The following RNF38 variants were observed in gnomAD, a reference collection of about 807,000 sequenced individuals.
The protein encoded by RNF38 is E3 ubiquitin-protein ligase RNF38.
RNF38 carries 15 observed loss-of-function variants against 67.2 expected under a neutral mutation model. The ratio of observed to expected loss-of-function variants is 0.22; its 90% CI spans 0.15 to 0.34. The LOEUF (loss-of-function observed/expected upper bound fraction) is 0.34, where lower values mean the gene tolerates loss of function less well. Among genes scored for constraint, RNF38 ranks in the 10% least tolerant of loss-of-function variants. The pLI is 1.00. For synonymous variants in RNF38, 220 were observed against 218.8 expected (o/e 1.01, Z -0.05); for missense variants, 524 against 639.9 (o/e 0.82, Z 1.95).
At chr9:36,401,124 C>A (rs944685504), upstream of RNF38, 2 of 985,042 alleles carry the variant, frequency 2.0e-6, no homozygotes, top group Non-Finnish European at 2.4e-6. Flanking sequence ...GCCAGACCAC[C>A]GGAGCGCTCC....
intron 2 of RNF38, 112 bp downstream of exon 2, chr9:36,390,355 A>G: frequency 3.4e-6 from 3 of 885,912 alleles, no homozygotes; most frequent in Admixed American, 2.8e-5. Flanking sequence ...TTATTTCCAC[A>G]TACAACAGAA....
intron 3 of RNF38, chr9:36,372,443 G>A: frequency 9.3e-6 from 6 of 642,948 alleles, no homozygotes; most frequent in Non-Finnish European, 1.7e-5. Context: ...TTTATTAATA[G>A]TATCCCTCTT....
At chr9:36,476,009 CAAAAAA>C (rs139323204) in intron 1 of RNF38, among the ~76,000 whole-genome samples, 1 of 109,450 alleles carries the variant, frequency 9.1e-6, no homozygotes, top group African/African-American at 3.5e-5. Flanking sequence ...ACTCTGTTTC[CAAAAAA>C]AAAAAAAAAA....
chr9:36,351,071 T>G (rs553909010), intron 9 of RNF38, 44 bp downstream of exon 9: 5 of 1,355,274 alleles, frequency 3.7e-6, no homozygotes, highest in Non-Finnish European at 5.2e-6. Flanking sequence ...AATACTTTCA[T>G]GCACACAATA....
At chr9:36,438,036 C>A (rs1839109059) in intron 1 of RNF38, among the ~76,000 whole-genome samples, 2 of 152,172 alleles carry the variant, frequency 1.3e-5, no homozygotes, top group South Asian at 2.1e-4. Context: ...GCCTCAACCT[C>A]CTGGGCTCAG....
intron 1 of RNF38, among the ~76,000 whole-genome samples, chr9:36,484,551 G>T (rs963870745): frequency 1.3e-5 from 2 of 152,182 alleles, no homozygotes; most frequent in Non-Finnish European, 2.9e-5. Context: ...ACCTGATTCA[G>T]ATTTTTTTTA....
chr9:36,415,976 T>G (rs1010728006), intron 2 of RNF38, among the ~76,000 whole-genome samples: 5 of 151,954 alleles, frequency 3.3e-5, no homozygotes, highest in Non-Finnish European at 5.9e-5. Flanking sequence ...CAACATCGAC[T>G]GCAGTAGTAC....
intron 1 of RNF38, among the ~76,000 whole-genome samples, chr9:36,462,001 G>A (rs901989783): frequency 2.0e-5 from 3 of 152,142 alleles, no homozygotes; most frequent in African/African-American, 4.8e-5. Context: ...TGCAGTGACC[G>A]GGAAAAGAGG....
rs1377819803 is a variant in RNF38 at position 36,352,615 on chromosome 9, C to T, written c.1178+127G>A. 3 of 748,876 alleles carry T rather than the reference C, an allele frequency of 4.0e-6. No homozygotes were observed. The East Asian group carries it at 8.1e-5, about 20-fold the overall frequency. The allele number at this position is 748,876 out of a possible 1,614,324, so 46.4% of individuals were successfully genotyped here. ...GCCTTAACTGGCTCCTCCCACCCCA[C>T]CCTTTAACATTAAGTAAAGACAAAT... On this transcript the variant is annotated intron_variant, in intron 8 of 11. Transcript: ENST00000259605.
At chr9:36,372,246 CTATTTAT>C (rs1835439296) in intron 3 of RNF38, among the ~76,000 whole-genome samples, 1 of 152,082 alleles carries the variant, frequency 6.6e-6, no homozygotes, top group African/African-American at 2.4e-5. Flanking sequence ...CTCACTTTTT[CTATTTAT>C]TAAGTTTTAC....
intron 2 of RNF38, among the ~76,000 whole-genome samples, chr9:36,415,538 TC>T (rs377027614): frequency 6.2e-4 from 95 of 152,306 alleles, no homozygotes; most frequent in African/African-American, 2.1e-3. Context: ...CTCTCCCCCT[TC>T]CCCTAGGGAT....
chr9:36,395,369 G>T (rs535294940), intron 1 of RNF38, among the ~76,000 whole-genome samples: 12 of 151,784 alleles, frequency 7.9e-5, no homozygotes, highest in African/African-American at 2.9e-4. Flanking sequence ...GAGGATACAG[G>T]TACATGACTT....
At chr9:36,487,420 C>T (rs1192742527) in exon 1 of RNF38, 3 of 981,030 alleles carry the variant, frequency 3.1e-6, no homozygotes, top group Non-Finnish European at 2.4e-6. Context: ...GGGGCGGCGG[C>T]GGTGGGGGGC....
chr9:36,428,508 C>T (rs541637288), intron 1 of RNF38, among the ~76,000 whole-genome samples: 17 of 151,800 alleles, frequency 1.1e-4, no homozygotes, highest in Non-Finnish European at 2.1e-4. Context: ...TGCTGGACCA[C>T]GACCACATGT....
At chr9:36,472,416 A>C (rs1386580621) in intron 1 of RNF38, among the ~76,000 whole-genome samples, 1 of 152,232 alleles carries the variant, frequency 6.6e-6, no homozygotes, top group African/African-American at 2.4e-5. Flanking sequence ...AATGCAGCCC[A>C]ACACAAATTC....
intron 4 of RNF38, among the ~76,000 whole-genome samples, chr9:36,362,774 T>C (rs1185688372): frequency 6.6e-6 from 1 of 152,056 alleles, no homozygotes; most frequent in Non-Finnish European, 1.5e-5. Context: ...GCTGGGACTA[T>C]AGGCGTGCAT....
At chr9:36,485,627 TA>T (rs1472314011) in intron 1 of RNF38, among the ~76,000 whole-genome samples, 1 of 152,316 alleles carries the variant, frequency 6.6e-6, no homozygotes, top group Non-Finnish European at 1.5e-5. Flanking sequence ...TAGAGTTTTT[TA>T]GGAAAATCTA....
At chr9:36,370,842 G>A (rs967371048) in intron 3 of RNF38, among the ~76,000 whole-genome samples, 4 of 151,234 alleles carry the variant, frequency 2.6e-5, no homozygotes, top group African/African-American at 7.3e-5. Context: ...CTGGAAGGCC[G>A]AGGCTGTAGT....
In RNF38 at chr9:36,400,216, C is replaced by A. The variant is rs1244636016; in HGVS notation, c.-108G>T. ...CTTCAACCCTGAAAGGAAGAACTTG[C>A]ATCCCCTGAGAACAAAACGCAGCCT... On this transcript the variant is annotated 5_prime_UTR_variant, in exon 1 of 12. The change abolishes an upstream ATG in the 5' untranslated region. Transcript: ENST00000259605. 2.0e-6 allele frequency: 3 copies of A among 1,506,566 alleles called. No homozygotes were observed. Among genetic ancestry groups the A allele is most frequent in the Non-Finnish European group, 2.7e-6 (3 of 1,129,240 alleles). 93.3% of individuals were successfully genotyped at this position (1,506,566 alleles called of 1,614,324 possible). A position where few individuals can be genotyped will look rare whatever the true frequency, so the allele number is the denominator to read the frequency against.
Sources: gnomAD v4.1 joint callset for allele counts (sites outside exome capture counted in the v4.1 genomes callset) on GRCh38, gnomAD v4.1.1 for gene constraint, MANE v1.5 for transcripts, NCBI Gene and HGNC (gene_info 2026-07-23, HGNC 2026-07-21) for gene names.